The following MAD1L1 variants were observed in gnomAD, a reference collection of about 807,000 sequenced individuals.
MAD1L1 encodes the protein mitotic spindle assembly checkpoint protein MAD1.
A neutral mutation model predicts 96.9 loss-of-function variants in MAD1L1; 95 were observed. The observed-to-expected ratio is 0.98, with a 90% CI of 0.83 to 1.16. MAD1L1 has a LOEUF of 1.16. MAD1L1 is among the 50% of genes most tolerant of loss of function. MAD1L1 has a pLI of 0.00. For synonymous variants in MAD1L1, 473 were observed against 396.6 expected (o/e 1.19, Z -2.29); for missense variants, 1,007 against 954.4 (o/e 1.06, Z -0.73).
Position 1,972,926 on chromosome 7 carries a change from T to C in MAD1L1, c.1505+7527A>G, listed in dbSNP as rs188084349. On this transcript the variant is annotated intron_variant, in intron 15 of 18. Coordinates refer to ENST00000265854, the MANE Select transcript of MAD1L1 (RefSeq NM_001013836.2). ...CTCCCCCACACGGGCAATGCAGACA[T>C]GTGTTGCTAATCTCCTAATGCTTAG... Among the ~76,000 whole-genome samples the C allele has an allele frequency of 3.3e-4, 50 of 152,328 alleles. No individual in the cohort carries two copies. In the East Asian group the frequency reaches 6.0e-3, roughly 18 times the overall value.
At chr7:1,939,014 CACACACACAT>C (rs1562542948) in intron 16 of MAD1L1, among the ~76,000 whole-genome samples, 1 of 128,828 alleles carries the variant, frequency 7.8e-6, no homozygotes, top group South Asian at 2.7e-4. Flanking sequence ...CACACACACA[CACACACACAT>C]GGGCCAGGGC....
chr7:1,822,444 T>TA (rs1562425913), intron 18 of MAD1L1, among the ~76,000 whole-genome samples: 1,690 of 86,960 alleles, frequency 0.019, 26 homozygotes, highest in African/African-American at 0.056. Flanking sequence ...ATATATATAT[T>TA]TTTTTTTTTT....
chr7:2,069,661 G>T (rs967332297), intron 11 of MAD1L1, among the ~76,000 whole-genome samples: 1 of 152,212 alleles, frequency 6.6e-6, no homozygotes, highest in Non-Finnish European at 1.5e-5. Flanking sequence ...CAGAGCCAGC[G>T]CTTCCCCTCT....
chr7:2,152,693 G>C (rs534671862), intron 10 of MAD1L1, among the ~76,000 whole-genome samples: 1 of 152,194 alleles, frequency 6.6e-6, no homozygotes. Flanking sequence ...CTACCTGCTC[G>C]GCTGGGCTTC....
At chr7:2,000,278 C>T (rs955609028) in intron 14 of MAD1L1, among the ~76,000 whole-genome samples, 1 of 152,050 alleles carries the variant, frequency 6.6e-6, no homozygotes, top group Non-Finnish European at 1.5e-5. Flanking sequence ...CACGCCTCCG[C>T]ACGCCATTGC....
chr7:1,923,743 A>T (rs1162628673), intron 17 of MAD1L1, among the ~76,000 whole-genome samples: 3 of 152,246 alleles, frequency 2.0e-5, no homozygotes, highest in African/African-American at 7.2e-5. Context: ...ACCCTGGGTC[A>T]CCTGGGAAGT....
intron 12 of MAD1L1, among the ~76,000 whole-genome samples, chr7:2,067,717 T>C (rs577072549): frequency 8.3e-4 from 126 of 152,360 alleles, no homozygotes; most frequent in Non-Finnish European, 1.0e-3. Flanking sequence ...AGCAGCGCTT[T>C]GTGATGACCT....
chr7:1,956,642 C>G (rs1779740402), intron 16 of MAD1L1, among the ~76,000 whole-genome samples: 1 of 8,406 alleles, frequency 1.2e-4, no homozygotes, highest in Non-Finnish European at 8.1e-3. Flanking sequence ...GTGACACTGC[C>G]AGCCACTCCT....
intron 12 of MAD1L1, among the ~76,000 whole-genome samples, chr7:2,064,678 C>T (rs1198573185): frequency 1.3e-5 from 2 of 150,526 alleles, no homozygotes; most frequent in African/African-American, 4.9e-5. Flanking sequence ...GTGGCTTCTC[C>T]CAGGAATATG....
chr7:2,066,746 T>C (rs1784890913), intron 12 of MAD1L1, among the ~76,000 whole-genome samples: 1 of 152,184 alleles, frequency 6.6e-6, no homozygotes, highest in African/African-American at 2.4e-5. Flanking sequence ...AGACATCCAG[T>C]GACTGCATGT....
chr7:1,840,730 CAACAA>C (rs1055791262), intron 18 of MAD1L1, among the ~76,000 whole-genome samples: 2 of 152,154 alleles, frequency 1.3e-5, no homozygotes, highest in African/African-American at 4.8e-5. Context: ...CTCCATCTGA[CAACAA>C]AACAAAACAA....
At chr7:1,993,040 G>C (rs1025997170) in intron 14 of MAD1L1, among the ~76,000 whole-genome samples, 1 of 152,220 alleles carries the variant, frequency 6.6e-6, no homozygotes, top group Non-Finnish European at 1.5e-5. Flanking sequence ...AATTTTTCAA[G>C]ATAAATGAAC....
intron 15 of MAD1L1, among the ~76,000 whole-genome samples, chr7:1,973,257 G>A (rs1023476833): frequency 1.2e-4 from 18 of 152,008 alleles, no homozygotes; most frequent in African/African-American, 4.4e-4. Flanking sequence ...GTTCATCCCA[G>A]ACACTTCTGC....
At chr7:1,879,576 T>G (rs1014494265) in intron 18 of MAD1L1, among the ~76,000 whole-genome samples, 3 of 152,164 alleles carry the variant, frequency 2.0e-5, no homozygotes, top group Non-Finnish European at 2.9e-5. Context: ...CCAAAATTTA[T>G]GTGGATCTAG....
chr7:2,185,345 G>A (rs749532828), intron 10 of MAD1L1, among the ~76,000 whole-genome samples: 1 of 152,170 alleles, frequency 6.6e-6, no homozygotes, highest in Non-Finnish European at 1.5e-5. Flanking sequence ...CTTGTCTCCC[G>A]GGGGTAGGAA....
intron 18 of MAD1L1, among the ~76,000 whole-genome samples, chr7:1,885,772 C>T (rs1785978616): frequency 6.6e-6 from 1 of 152,230 alleles, no homozygotes; most frequent in Non-Finnish European, 1.5e-5. Flanking sequence ...CGCCCAGAGC[C>T]TCTCCCTGTC....
At chr7:1,931,467 T>C (rs1316570097) in intron 17 of MAD1L1, among the ~76,000 whole-genome samples, 1 of 152,254 alleles carries the variant, frequency 6.6e-6, no homozygotes, top group Non-Finnish European at 1.5e-5. Context: ...AACAGCGGTC[T>C]CCACACTTCT....
intron 12 of MAD1L1, among the ~76,000 whole-genome samples, chr7:2,056,454 G>T (rs1002309806): frequency 1.6e-4 from 24 of 152,166 alleles, no homozygotes; most frequent in African/African-American, 5.8e-4. Flanking sequence ...CACACCCTCA[G>T]GGGAGGGAGG....
rs76410793 is a variant in MAD1L1 at position 2,219,292 on chromosome 7, C to T, written c.596+40G>A. On this transcript the variant is annotated intron_variant, in intron 6 of 18. Coordinates refer to ENST00000265854, the MANE Select transcript of MAD1L1 (RefSeq NM_001013836.2). ...GAGAGGTGGGACGCATGCCCCCACA[C>T]GTGACCCGACCCCCGACCCCACACC... 1,751 of 1,528,868 alleles carry T rather than the reference C, an allele frequency of 1.1e-3. 33 individuals carry two copies. In the East Asian group the frequency reaches 0.033, roughly 29 times the overall value. 94.7% of individuals were successfully genotyped at this position (1,528,868 alleles called of 1,614,324 possible).
Sources: allele counts gnomAD v4.1 joint callset (sites outside exome capture counted in the v4.1 genomes callset), GRCh38; gene constraint gnomAD v4.1.1; transcripts MANE v1.5; gene names NCBI Gene and HGNC (gene_info 2026-07-23, HGNC 2026-07-21).